GRAMD1A: variants seen among roughly 807,000 people sequenced by gnomAD.
GRAMD1A encodes the protein protein Aster-A.
GRAMD1A carries 50 observed loss-of-function variants against 92.0 expected under a neutral mutation model. That is an observed-to-expected ratio of 0.54 (90% CI 0.43 to 0.69). The LOEUF (loss-of-function observed/expected upper bound fraction) is 0.69. GRAMD1A is among the 30% of genes least tolerant of loss of function. GRAMD1A has a pLI of 0.00. For synonymous variants in GRAMD1A, 405 were observed against 403.6 expected, an observed-to-expected ratio of 1.00 and a Z score of -0.04; for missense variants, 819 against 978.9, an observed-to-expected ratio of 0.84 and a Z score of 2.18.
At position 35,000,447 on chromosome 19, in the gene GRAMD1A, T is replaced by TGCCCTGCCCA. The variant is rs1242627088; in HGVS notation, c.-30_-29insCCTGCCCAGC. 8.8e-6 allele frequency: 11 copies of TGCCCTGCCCA among 1,248,926 alleles called. No individual in the cohort carries two copies. Among genetic ancestry groups the TGCCCTGCCCA allele is most frequent in the Non-Finnish European group, 1.1e-5 (11 of 993,070 alleles). The allele number at this position is 1,248,926 out of a possible 1,614,324, so 77.4% of individuals were successfully genotyped here. ...AGCCCTGCCCTGCCCTGCCCTGCCCTGCGCCCGGGGCGCGCCCACCGCGCC... is the reference window on the plus strand; with the variant it reads ...AGCCCTGCCCTGCCCTGCCCTGCCCTGCCCTGCCCAGCGCCCGGGGCGCGCCCACCGCGCC... On this transcript the variant is annotated 5_prime_UTR_variant, in exon 1 of 20. Coordinates refer to ENST00000317991, the MANE Select transcript of GRAMD1A (RefSeq NM_020895.5). The surrounding 1 kb of genome is among the most constrained non-coding windows in gnomAD (Gnocchi z 4.9).
intron 11 of GRAMD1A, among the ~76,000 whole-genome samples, chr19:35,018,718 C>T (rs2015818654): frequency 6.6e-6 from 1 of 152,158 alleles, no homozygotes. Flanking sequence ...CCAGGAGTGA[C>T]GCTCAGGAGG....
At chr19:35,001,235 G>C (rs2014345524) in intron 1 of GRAMD1A, 1 of 152,420 alleles carries the variant, frequency 6.6e-6, no homozygotes, top group Non-Finnish European at 1.5e-5. Flanking sequence ...CCGCGGCTCT[G>C]TGTGTCACTG....
At position 35,022,880 on chromosome 19, in the gene GRAMD1A, C is replaced by T. The variant is rs1257800782; in HGVS notation, c.1842-20C>T. On this transcript the variant is annotated intron_variant, in intron 16 of 19. Coordinates refer to ENST00000317991, the MANE Select transcript of GRAMD1A (RefSeq NM_020895.5). ...AGGCGGCGCTCATCTCTCTGTCTCCCCTCACTGCTGCTGCTGCAGGATCTG... is the reference window on the plus strand; with the variant it reads ...AGGCGGCGCTCATCTCTCTGTCTCCTCTCACTGCTGCTGCTGCAGGATCTG... 6.2e-7 allele frequency: 1 copy of T among 1,603,900 alleles called. No homozygotes were observed. Among genetic ancestry groups the T allele is most frequent in the Admixed American group, 1.7e-5 (1 of 59,052 alleles).
In GRAMD1A at chr19:35,000,577, G is replaced by T; in HGVS notation, c.8+91G>T. ...GCCGCGGGCTTGGGGAGGGGGCGGA[G>T]CGGCCGCTGCAGAGGTCGGGGGCCT... On this transcript the variant is annotated intron_variant, in intron 1 of 19. Transcript: ENST00000317991. This position sits in a 1 kb window ranked among gnomAD's most constrained non-coding sequence, Gnocchi z 4.9. 2.9e-6 allele frequency: 3 copies of T among 1,045,014 alleles called. No homozygotes were observed. The highest frequency in any genetic ancestry group is 3.6e-6 in the Non-Finnish European group (3 of 822,352). 64.7% of individuals were successfully genotyped at this position (1,045,014 alleles called of 1,614,324 possible).
intron 11 of GRAMD1A, 62 bp downstream of exon 11, chr19:35,016,029 G>A (rs1351818873): frequency 3.8e-6 from 6 of 1,564,946 alleles, no homozygotes; most frequent in South Asian, 1.2e-5. Context: ...GTGAGGAAGG[G>A]TAGCCCAGGA....
chr19:35,020,473 G>A (rs1056292370), intron 13 of GRAMD1A, among the ~76,000 whole-genome samples: 6 of 152,100 alleles, frequency 3.9e-5, no homozygotes, highest in African/African-American at 1.2e-4. Flanking sequence ...AGGAGGTGGA[G>A]GTTGCAGTGA....
At chr19:35,011,277 C>T (rs542359881) in intron 6 of GRAMD1A, among the ~76,000 whole-genome samples, 197 bp from the exon 7 acceptor site, 1 of 152,290 alleles carries the variant, frequency 6.6e-6, no homozygotes, top group South Asian at 2.1e-4. Context: ...GTCGTCTCCC[C>T]ATCCCAGTGA....
chr19:34,997,280 G>A (rs79456664), upstream of GRAMD1A, among the ~76,000 whole-genome samples: 3,019 of 151,420 alleles, frequency 0.02, 99 homozygotes, highest in African/African-American at 0.07. Context: ...GGCCTAATGA[G>A]GGTAAGTGTG....
At chr19:35,008,140 C>T (rs1410474730) in intron 1 of GRAMD1A, among the ~76,000 whole-genome samples, 1 of 149,110 alleles carries the variant, frequency 6.7e-6, no homozygotes, top group African/African-American at 2.5e-5. Context: ...ACCAGCCTGG[C>T]CAACATAGTG....
At chr19:35,003,753 C>T (rs1291848725) in intron 1 of GRAMD1A, among the ~76,000 whole-genome samples, 1 of 152,236 alleles carries the variant, frequency 6.6e-6, no homozygotes, top group Non-Finnish European at 1.5e-5. Context: ...CAGGCCTGTG[C>T]ACCTCCGCTA....
chr19:35,000,216 G>A, upstream of GRAMD1A: 1 of 1,019,838 alleles, frequency 9.8e-7, no homozygotes, highest in Non-Finnish European at 1.2e-6. The surrounding 1 kb of genome is among the most constrained non-coding windows in gnomAD (Gnocchi z 4.9). Flanking sequence ...GGCCTCTGCG[G>A]CCCCTCCCCG....
chr19:34,997,388 C>CAAAAAAA (rs540666102), upstream of GRAMD1A, among the ~76,000 whole-genome samples: 120 of 113,220 alleles, frequency 1.1e-3, 1 homozygote, highest in Non-Finnish European at 1.5e-3. Context: ...GCCAAAAAAA[C>CAAAAAAA]AAAAAAAAAA....
intron 3 of GRAMD1A, 43 bp downstream of exon 3, chr19:35,009,486 C>G (rs368456311): frequency 3.1e-6 from 5 of 1,608,074 alleles, no homozygotes; most frequent in South Asian, 2.2e-5. Context: ...CTGGGAGGAC[C>G]GGGTGCTGGG....
chr19:35,011,463 C>T lies in GRAMD1A; in HGVS notation c.526-11C>T, dbSNP rs774900102. 6.9e-6 allele frequency: 11 copies of T among 1,603,448 alleles called. No homozygotes were observed. The highest frequency in any genetic ancestry group is 2.7e-5 in the African/African-American group (2 of 74,820). On this transcript the variant is annotated splice_polypyrimidine_tract_variant and intron_variant, in intron 6 of 19. Transcript: ENST00000317991. ...CCTGCTCACACCTCTCTCTCTCTCT[C>T]TCCCTGACAGCATTTCTTCACTTCC...
At chr19:35,019,641 A>G in intron 13 of GRAMD1A, 108 bp downstream of exon 13, 1 of 1,112,476 alleles carries the variant, frequency 9.0e-7, no homozygotes, top group Non-Finnish European at 1.3e-6. Context: ...GTGGAGGAAC[A>G]GAAGCGTGGG....
At position 35,023,530 on chromosome 19, in the gene GRAMD1A, G is replaced by A. The variant is rs370077465; in HGVS notation, c.2065G>A (p.Val689Met). ...GTGGAGGCAGATCCTGCGGGCCTCC[G>A]TGGAGCTCCTGGATGAGGTAGGAGG... is the stretch of plus-strand genomic sequence containing the variant. ...HKWRQILRAS[V>M]ELLDEMKFSL... Residue 689 changes from valine to methionine, a missense_variant, in exon 19 of 20, where the codon GTG becomes ATG. Physicochemically the swap from Val to Met is conservative, Grantham distance 21. Coordinates refer to ENST00000317991, the MANE Select transcript of GRAMD1A (RefSeq NM_020895.5). 97 of 1,579,786 alleles carry A rather than the reference G, an allele frequency of 6.1e-5. No homozygotes were observed. The highest frequency in any genetic ancestry group is 1.8e-4 in the Middle Eastern group (1 of 5,474).
In GRAMD1A at chr19:35,007,135, G is replaced by A. The variant is rs542953491; in HGVS notation, c.9-1984G>A. Among the ~76,000 whole-genome samples, 5 of 152,320 alleles carry A rather than the reference G, an allele frequency of 3.3e-5. No individual in the cohort carries two copies. In the East Asian group the frequency reaches 9.6e-4, roughly 29 times the overall value. ...TTTACCTGGAGTGAGGTGCACCCAG[G>A]GCAGGGCTCAGACCTGACTCAGATG... is the stretch of plus-strand genomic sequence containing the variant. On this transcript the variant is annotated intron_variant, in intron 1 of 19. Transcript: ENST00000317991.
chr19:35,011,179 C>T lies in GRAMD1A; in HGVS notation c.526-295C>T, dbSNP rs73038370. Among the ~76,000 whole-genome samples the T allele has an allele frequency of 3.5e-3, 530 of 152,100 alleles. 4 individuals carry two copies. The highest frequency in any genetic ancestry group is 6.3e-3 in the Non-Finnish European group (426 of 67,976). ...CTGGGCAAGTTCCCTGGGCTCCCCC[C>T]ATCACATCCCAGCCCCTCTGGGCTG... On this transcript the variant is annotated intron_variant, in intron 6 of 19. Transcript: ENST00000317991.
chr19:35,014,261 G>T lies in GRAMD1A; in HGVS notation c.943G>T (p.Ala315Ser). The T allele has an allele frequency of 6.2e-7, 1 of 1,614,130 alleles. No individual in the cohort carries two copies. Among genetic ancestry groups the T allele is most frequent in the South Asian group, 1.1e-5 (1 of 91,088 alleles). The change falls in exon 10 of 20, where the codon GCT becomes TCT. Residue 315 changes from alanine (A) to serine (S), a missense_variant. Ala to Ser is a moderately conservative substitution (Grantham distance 99, BLOSUM62 1). Coordinates refer to ENST00000317991, the MANE Select transcript of GRAMD1A (RefSeq NM_020895.5). ...CTCCAGCCAGACAGTGACCCCGGTG[G>T]CTGAACCCCCGAGCACAGAGCCCAC... ...ASSSQTVTPV[A>S]EPPSTEPTQP...
Sources: gnomAD v4.1 joint callset for allele counts (sites outside exome capture counted in the v4.1 genomes callset) on GRCh38, gnomAD v4.1.1 for gene constraint, Gnocchi (gnomAD v3.1) non-coding constraint, MANE v1.5 for transcripts, NCBI Gene and HGNC (gene_info 2026-07-23, HGNC 2026-07-21) for gene names.